Variants in MCC observed in about 807,000 individuals in gnomAD.
MCC encodes colorectal mutant cancer protein.
In MCC, 90 loss-of-function variants were observed where a neutral mutation model predicts 116.2. The ratio of observed to expected loss-of-function variants is 0.77; its 90% confidence interval spans 0.65 to 0.92. MCC has a LOEUF of 0.92. MCC is among the 40% of genes least tolerant of loss of function. The probability of loss-of-function intolerance (pLI) is 0.00; values close to 1 mark genes in which losing one functional copy is unlikely to be tolerated. For missense variants in MCC, 1,516 were observed against 1,312.2 expected, an observed-to-expected ratio of 1.16 and a Z score of -2.40; for synonymous variants, 578 against 510.5, an observed-to-expected ratio of 1.13 and a Z score of -1.78.
intron 17 of MCC, among the ~76,000 whole-genome samples, chr5:113,038,265 G>A (rs1453718703): frequency 6.6e-6 from 1 of 152,148 alleles, no homozygotes; most frequent in African/African-American, 2.4e-5. Context: ...GAGATGTCCA[G>A]TGGGCATGAG....
At chr5:113,168,008 T>G (rs1760868330) in intron 3 of MCC, among the ~76,000 whole-genome samples, 1 of 152,204 alleles carries the variant, frequency 6.6e-6, no homozygotes, top group Admixed American at 6.5e-5. Flanking sequence ...CAATTGAACC[T>G]ATCTCATTTC....
chr5:113,223,587 A>G (rs1305807524), intron 3 of MCC, among the ~76,000 whole-genome samples: 4 of 152,190 alleles, frequency 2.6e-5, no homozygotes, highest in Admixed American at 6.5e-5. Context: ...AGGGACTGGA[A>G]AGGAAGAGAG....
At chr5:113,134,746 C>A (rs944900630) in intron 5 of MCC, among the ~76,000 whole-genome samples, 1 of 151,502 alleles carries the variant, frequency 6.6e-6, no homozygotes, top group Admixed American at 6.6e-5. Context: ...AAAAATCAGA[C>A]GTTGGTGATG....
chr5:113,042,406 T>C (rs761396175), intron 17 of MCC, among the ~76,000 whole-genome samples: 19 of 142,686 alleles, frequency 1.3e-4, no homozygotes, highest in Non-Finnish European at 2.1e-4. Flanking sequence ...GCCCAGGAGA[T>C]TGAGGCTGCA....
At chr5:113,444,080 C>T (rs184251488) in intron 1 of MCC, among the ~76,000 whole-genome samples, 55 of 151,986 alleles carry the variant, frequency 3.6e-4, no homozygotes, top group African/African-American at 1.1e-3. Flanking sequence ...CCTGACCTCA[C>T]GTGATCTATC....
intron 1 of MCC, among the ~76,000 whole-genome samples, chr5:113,386,480 GTCCCCT>G (rs1769257626): frequency 6.6e-6 from 1 of 150,986 alleles, no homozygotes; most frequent in Non-Finnish European, 1.5e-5. Context: ...CTCTGCCCTT[GTCCCCT>G]TCCCCAAGTT....
intron 16 of MCC, chr5:113,048,584 A>C (rs1430870671): frequency 6.5e-6 from 1 of 154,900 alleles, no homozygotes; most frequent in Non-Finnish European, 1.4e-5. Context: ...TTAATATTTT[A>C]TTAGTTGTTA....
intron 3 of MCC, among the ~76,000 whole-genome samples, chr5:113,194,585 G>C (rs1464308690): frequency 6.6e-6 from 1 of 152,148 alleles, no homozygotes; most frequent in African/African-American, 2.4e-5. Context: ...TTGAGCCCAA[G>C]AGTTGGAGGC....
intron 1 of MCC, among the ~76,000 whole-genome samples, chr5:113,466,944 G>T (rs1771926654): frequency 6.6e-6 from 1 of 152,178 alleles, no homozygotes; most frequent in Admixed American, 6.5e-5. Flanking sequence ...GTGATGATGA[G>T]CACTTTTTCA....
Position 113,397,763 on chromosome 5 carries a change from C to T in MCC, c.171-12551G>A, listed in dbSNP as rs369989126. Among the ~76,000 whole-genome samples, 27 of 152,258 alleles carry T rather than the reference C, an allele frequency of 1.8e-4. 4 individuals carry two copies. The highest frequency in any genetic ancestry group is 7.2e-4 in the Admixed American group (11 of 15,292). Reference sequence around the variant, plus strand: ...AGTAGAAAACCTAGGAAATACTCTTCTGAACATTGGCCTTGGAAAAGAATA... The same window carrying T: ...AGTAGAAAACCTAGGAAATACTCTTTTGAACATTGGCCTTGGAAAAGAATA... On this transcript the variant is annotated intron_variant, in intron 1 of 18. Transcript: ENST00000408903.
At chr5:113,080,570 A>G (rs1187889702) in intron 11 of MCC, among the ~76,000 whole-genome samples, 4 of 152,168 alleles carry the variant, frequency 2.6e-5, no homozygotes, top group African/African-American at 9.6e-5. Flanking sequence ...ACCAAACACC[A>G]CATGTTCTCA....
chr5:113,063,165 TTAAG>T (rs1561769289), intron 14 of MCC, among the ~76,000 whole-genome samples: 1 of 152,208 alleles, frequency 6.6e-6, no homozygotes, highest in Non-Finnish European at 1.5e-5. Flanking sequence ...GATTTGGCAA[TTAAG>T]TAAGAATCTC....
intron 5 of MCC, among the ~76,000 whole-genome samples, chr5:113,133,962 G>C (rs1758636129): frequency 6.6e-6 from 1 of 152,092 alleles, no homozygotes. Context: ...TGTTTTTTGT[G>C]CTACTGAGTT....
chr5:113,451,704 G>A (rs1439439551), intron 1 of MCC, among the ~76,000 whole-genome samples: 1 of 152,116 alleles, frequency 6.6e-6, no homozygotes, highest in Non-Finnish European at 1.5e-5. Flanking sequence ...GGCAACAAGA[G>A]TGAAACTCTG....
intron 11 of MCC, among the ~76,000 whole-genome samples, chr5:113,076,235 G>A (rs939775962): frequency 1.3e-5 from 2 of 152,186 alleles, no homozygotes; most frequent in East Asian, 1.9e-4. Flanking sequence ...AAAGCACTCT[G>A]CAGGATATTA....
intron 3 of MCC, among the ~76,000 whole-genome samples, chr5:113,218,680 T>G (rs952243093): frequency 6.6e-6 from 1 of 152,204 alleles, no homozygotes; most frequent in Admixed American, 6.5e-5. Flanking sequence ...CAAATGGAAC[T>G]CAATACAGAT....
At chr5:113,354,687 G>A (rs948979246) in intron 2 of MCC, among the ~76,000 whole-genome samples, 9 of 151,558 alleles carry the variant, frequency 5.9e-5, no homozygotes, top group African/African-American at 1.9e-4. Context: ...TGCCCGCCTC[G>A]GCCTCCCAAA....
chr5:113,123,256 G>A (rs1021556007), intron 5 of MCC, among the ~76,000 whole-genome samples: 1 of 152,252 alleles, frequency 6.6e-6, no homozygotes, highest in African/African-American at 2.4e-5. Flanking sequence ...CTTCCTTCTT[G>A]AAGGAGGCTG....
At chr5:113,354,763 A>G (rs1366653051) in intron 2 of MCC, among the ~76,000 whole-genome samples, 1 of 146,584 alleles carries the variant, frequency 6.8e-6, no homozygotes, top group Non-Finnish European at 1.5e-5. Context: ...TTATTGTACT[A>G]TGATCAACCA....
Sources: allele counts gnomAD v4.1 joint callset (sites outside exome capture counted in the v4.1 genomes callset), GRCh38; gene constraint gnomAD v4.1.1; transcripts MANE v1.5; gene names NCBI Gene and HGNC (gene_info 2026-07-23, HGNC 2026-07-21).